The following VPS13B variants were observed in gnomAD, a reference collection of about 807,000 sequenced individuals.
VPS13B encodes vacuolar protein sorting 13 homolog B, also known as intermembrane lipid transfer protein VPS13B.
A neutral mutation model predicts 426.4 loss-of-function variants in VPS13B; 285 were observed. The ratio of observed to expected loss-of-function variants is 0.67; its 90% CI spans 0.61 to 0.74. The LOEUF (loss-of-function observed/expected upper bound fraction) is 0.74, where lower values mean the gene tolerates loss of function less well. VPS13B is among the 30% of genes least tolerant of loss of function. VPS13B has a pLI of 0.00. For missense variants in VPS13B, 4,537 were observed against 4,782.6 expected (o/e 0.95, Z 1.51); for synonymous variants, 1,676 against 1,676.4 (o/e 1.00, Z 0.01).
chr8:99,108,012 A>C (rs1473848962), intron 5 of VPS13B, among the ~76,000 whole-genome samples: 1 of 152,130 alleles, frequency 6.6e-6, no homozygotes, highest in Non-Finnish European at 1.5e-5. Context: ...CTCCACCCTC[A>C]AGTAGGCCTT....
chr8:99,433,875 C>T (rs990526228), intron 22 of VPS13B, among the ~76,000 whole-genome samples: 3 of 152,052 alleles, frequency 2.0e-5, no homozygotes, highest in Admixed American at 6.6e-5. Flanking sequence ...GATGCGATCT[C>T]AACTCATTGC....
At chr8:99,697,373 A>T (rs374001786) in intron 35 of VPS13B, 1 of 593,926 alleles carries the variant, frequency 1.7e-6, no homozygotes, top group Admixed American at 3.0e-5. Context: ...AAGTGCCTGA[A>T]GCAGTCCTGT....
chr8:99,077,916 A>C (rs946013762), intron 3 of VPS13B, among the ~76,000 whole-genome samples: 1 of 152,168 alleles, frequency 6.6e-6, no homozygotes, highest in Admixed American at 6.5e-5. Flanking sequence ...AAGTTATCTT[A>C]AAAGACTTGT....
In VPS13B at chr8:99,509,709, A is replaced by G. The variant is rs117488899; in HGVS notation, c.4225-1395A>G. Among the ~76,000 whole-genome samples the G allele has an allele frequency of 7.4e-3, 1,121 of 152,208 alleles. 8 individuals carry two copies. The highest frequency in any genetic ancestry group is 0.017 in the Middle Eastern group (5 of 294). On this transcript the variant is annotated intron_variant, in intron 28 of 61. Coordinates refer to ENST00000357162, the MANE Select transcript of VPS13B (RefSeq NM_152564.5). ...GTTCCAGTTCACTTCTCCTCTTAAA[A>G]ATCTCCTCTTTGGACCCTACTAACT...
At chr8:99,821,580 A>G (rs1241161198) in intron 50 of VPS13B, 98 bp downstream of exon 50, 4 of 1,383,976 alleles carry the variant, frequency 2.9e-6, no homozygotes, top group Non-Finnish European at 4.1e-6. Flanking sequence ...CCTTTTTCAT[A>G]TTACTTCTTC....
intron 38 of VPS13B, 38 bp from the exon 39 acceptor site, chr8:99,720,825 C>T (rs1833102481): frequency 1.9e-6 from 3 of 1,567,612 alleles, no homozygotes; most frequent in East Asian, 4.7e-5. Flanking sequence ...TCATGTTCCC[C>T]TTTAAATCAT....
intron 21 of VPS13B, among the ~76,000 whole-genome samples, chr8:99,422,761 A>G (rs1233629426): frequency 6.6e-6 from 1 of 152,216 alleles, no homozygotes; most frequent in African/African-American, 2.4e-5. Flanking sequence ...TATAGTAAAG[A>G]GTTAAATACT....
chr8:99,042,702 G>C (rs1371014449), intron 3 of VPS13B, among the ~76,000 whole-genome samples: 1 of 152,066 alleles, frequency 6.6e-6, no homozygotes, highest in African/African-American at 2.4e-5. Flanking sequence ...GCCCAGGCTG[G>C]TCTCGAACTC....
intron 17 of VPS13B, among the ~76,000 whole-genome samples, chr8:99,244,941 A>T (rs559909100): frequency 1.3e-5 from 2 of 152,188 alleles, no homozygotes; most frequent in Admixed American, 1.3e-4. Context: ...GGAGGAACAC[A>T]TGAGAAATAA....
At chr8:99,120,305 G>A (rs189457415) in intron 7 of VPS13B, 215 of 152,292 alleles carry the variant, frequency 1.4e-3, no homozygotes, top group Non-Finnish European at 2.6e-3. Context: ...GCCCACCTTG[G>A]CCTCCCAAAG....
intron 19 of VPS13B, among the ~76,000 whole-genome samples, chr8:99,282,101 A>G (rs906467719): frequency 9.2e-5 from 14 of 152,086 alleles, no homozygotes; most frequent in African/African-American, 2.9e-4. Flanking sequence ...TAATGGCACT[A>G]TTTCCCTCTT....
intron 16 of VPS13B, among the ~76,000 whole-genome samples, chr8:99,170,941 C>T (rs1475807799): frequency 1.3e-5 from 2 of 151,640 alleles, no homozygotes; most frequent in Admixed American, 6.6e-5. Flanking sequence ...CTAAAAATGA[C>T]ATAACCTTTA....
chr8:99,847,638 G>T (rs1397478978), intron 54 of VPS13B, among the ~76,000 whole-genome samples: 1 of 152,172 alleles, frequency 6.6e-6, no homozygotes, highest in Non-Finnish European at 1.5e-5. Flanking sequence ...GCTGCAGCAA[G>T]GAGCAGAGGG....
At chr8:99,175,871 A>G (rs1588114708) in intron 16 of VPS13B, among the ~76,000 whole-genome samples, 1 of 152,246 alleles carries the variant, frequency 6.6e-6, no homozygotes, top group Non-Finnish European at 1.5e-5. Flanking sequence ...ATAAAGATGC[A>G]GTATTAAATC....
At chr8:99,709,695 A>G (rs1166372393) in intron 36 of VPS13B, among the ~76,000 whole-genome samples, 1 of 152,230 alleles carries the variant, frequency 6.6e-6, no homozygotes, top group East Asian at 1.9e-4. Context: ...AAGGAAATGT[A>G]GAAAGAAGAA....
chr8:99,325,838 A>G (rs1810229502), intron 19 of VPS13B, among the ~76,000 whole-genome samples: 1 of 152,138 alleles, frequency 6.6e-6, no homozygotes, highest in African/African-American at 2.4e-5. Flanking sequence ...ATCCCTTTGT[A>G]TCTACATTCC....
chr8:99,390,296 G>C (rs949588735), intron 20 of VPS13B, among the ~76,000 whole-genome samples: 1 of 151,902 alleles, frequency 6.6e-6, no homozygotes, highest in Admixed American at 6.6e-5. Flanking sequence ...GTAGAGACGG[G>C]GTTTCACCAT....
chr8:99,238,569 A>C (rs578172986), intron 17 of VPS13B, among the ~76,000 whole-genome samples: 2 of 152,276 alleles, frequency 1.3e-5, no homozygotes, highest in South Asian at 4.1e-4. Flanking sequence ...TTTGTAGAAT[A>C]AAAAATAAGT....
chr8:99,128,386 CAAAAAAAAAAAAAAAAAAAAAAAAAA>C (rs71273165), intron 8 of VPS13B, among the ~76,000 whole-genome samples: 2 of 34,220 alleles, frequency 5.8e-5, no homozygotes, highest in East Asian at 1.1e-3. Flanking sequence ...GATACTGTCC[CAAAAAAAAAAAAAAAAAAAAAAAAAA>C]AAAAAAAAAA....
Sources: allele counts gnomAD v4.1 joint callset (sites outside exome capture counted in the v4.1 genomes callset), GRCh38; gene constraint gnomAD v4.1.1; transcripts MANE v1.5; gene names NCBI Gene and HGNC (gene_info 2026-07-23, HGNC 2026-07-21).